Variants in DOCK1 observed in about 807,000 individuals in gnomAD.
The protein encoded by DOCK1 is dedicator of cytokinesis 1, also known as dedicator of cytokinesis protein 1.
Under a neutral mutation model 262.7 loss-of-function variants are expected in DOCK1, and 138 were observed. That is an observed-to-expected ratio of 0.53 (90% CI 0.46 to 0.61). DOCK1 has a LOEUF of 0.61. Among genes scored for constraint, DOCK1 ranks in the 20% least tolerant of loss-of-function variants. DOCK1 has a pLI of 0.00. For synonymous variants in DOCK1, 866 were observed against 867.4 expected, an observed-to-expected ratio of 1.00 and a Z score of 0.03; for missense variants, 1,908 against 2,370.7, an observed-to-expected ratio of 0.80 and a Z score of 4.05.
At chr10:127,164,159 C>CTTTTTTTT (rs528947051) in intron 27 of DOCK1, among the ~76,000 whole-genome samples, 2 of 63,582 alleles carry the variant, frequency 3.1e-5, no homozygotes, top group African/African-American at 6.1e-5. Context: ...CATTTGCCTC[C>CTTTTTTTT]TTTTTTTTTT....
chr10:127,433,243 G>C (rs1325356414), intron 47 of DOCK1, 40 bp from the exon 48 acceptor site: 1 of 1,606,402 alleles, frequency 6.2e-7, no homozygotes, highest in Non-Finnish European at 8.5e-7. Context: ...GCAGGCACAG[G>C]CATCAAACAA....
intron 1 of DOCK1, among the ~76,000 whole-genome samples, chr10:126,941,592 T>TA (rs1476098522): frequency 6.6e-6 from 1 of 152,034 alleles, no homozygotes; most frequent in Non-Finnish European, 1.5e-5. Flanking sequence ...CTGTCTCTAC[T>TA]AAAAGTACAA....
chr10:126,914,465 C>T (rs1050365349), intron 1 of DOCK1, among the ~76,000 whole-genome samples: 9 of 152,052 alleles, frequency 5.9e-5, no homozygotes, highest in Middle Eastern at 3.2e-3. Flanking sequence ...TGCAGTGATG[C>T]GATCATAGCT....
intron 23 of DOCK1, among the ~76,000 whole-genome samples, chr10:127,065,422 C>T (rs1269838079): frequency 1.3e-5 from 2 of 152,172 alleles, no homozygotes; most frequent in Admixed American, 1.3e-4. Flanking sequence ...GTCTCGTGCA[C>T]ATTTTGCCTC....
intron 33 of DOCK1, among the ~76,000 whole-genome samples, chr10:127,368,896 A>G (rs2065065019): frequency 6.6e-6 from 1 of 152,232 alleles, no homozygotes; most frequent in African/African-American, 2.4e-5. Flanking sequence ...AATTGCAGCA[A>G]ATGACCATAT....
At chr10:126,910,857 T>C (rs1180308532) in intron 1 of DOCK1, among the ~76,000 whole-genome samples, 1 of 152,146 alleles carries the variant, frequency 6.6e-6, no homozygotes, top group Non-Finnish European at 1.5e-5. Flanking sequence ...ATTGGCTTTT[T>C]TCACTCAGTA....
At chr10:127,279,390 C>G (rs1480549050) in intron 29 of DOCK1, among the ~76,000 whole-genome samples, 1 of 152,194 alleles carries the variant, frequency 6.6e-6, no homozygotes, top group Non-Finnish European at 1.5e-5. Flanking sequence ...GATTTAGTAT[C>G]TCACACAAGG....
At chr10:127,185,156 A>G (rs987784395) in intron 27 of DOCK1, among the ~76,000 whole-genome samples, 1 of 152,122 alleles carries the variant, frequency 6.6e-6, no homozygotes, top group East Asian at 1.9e-4. Flanking sequence ...CCTTAACACA[A>G]ATATAAGTGT....
At chr10:126,984,043 G>C (rs2039172629) in intron 4 of DOCK1, among the ~76,000 whole-genome samples, 1 of 152,144 alleles carries the variant, frequency 6.6e-6, no homozygotes, top group Admixed American at 6.5e-5. Context: ...CTGACCTACT[G>C]CTCAGGCATG....
chr10:126,935,182 A>G (rs913192813), intron 1 of DOCK1, among the ~76,000 whole-genome samples: 2 of 152,252 alleles, frequency 1.3e-5, no homozygotes, highest in Non-Finnish European at 2.9e-5. Context: ...AGCCTCAATT[A>G]GGATGTTGCT....
At chr10:127,366,301 A>G (rs149584581) in intron 33 of DOCK1, among the ~76,000 whole-genome samples, 11 of 152,212 alleles carry the variant, frequency 7.2e-5, no homozygotes, top group Non-Finnish European at 1.0e-4. Flanking sequence ...GGAAAAGATC[A>G]GTTTTCTTCT....
chr10:127,350,227 T>C (rs116257383), intron 31 of DOCK1, among the ~76,000 whole-genome samples: 2 of 150,644 alleles, frequency 1.3e-5, no homozygotes, highest in African/African-American at 4.9e-5. Context: ...CAGAAAAGTT[T>C]ATGAAACTTA....
chr10:127,293,438 C>T (rs1015620183), intron 29 of DOCK1, among the ~76,000 whole-genome samples: 1 of 152,202 alleles, frequency 6.6e-6, no homozygotes, highest in African/African-American at 2.4e-5. Context: ...CACTGTGGGG[C>T]CAGCACCGGG....
chr10:127,411,309 C>T (rs34475116), intron 43 of DOCK1, among the ~76,000 whole-genome samples: 40,060 of 151,858 alleles, frequency 0.26, 5,978 homozygotes, highest in East Asian at 0.5. Context: ...GGTGACACAG[C>T]AGTCAGCACA....
chr10:127,248,747 C>A (rs1414178804), intron 28 of DOCK1, among the ~76,000 whole-genome samples: 7 of 152,192 alleles, frequency 4.6e-5, no homozygotes, highest in Admixed American at 2.0e-4. Flanking sequence ...TTGACTTGAA[C>A]TCTAAGATTC....
At chr10:127,378,449 G>A (rs1423607136) in intron 35 of DOCK1, among the ~76,000 whole-genome samples, 1 of 152,156 alleles carries the variant, frequency 6.6e-6, no homozygotes, top group East Asian at 1.9e-4. Context: ...GAGCCCAGGA[G>A]GAGTGGGAGC....
chr10:127,415,332 G>A (rs571059267), intron 44 of DOCK1, 94 bp downstream of exon 44: 207 of 1,237,400 alleles, frequency 1.7e-4, no homozygotes, highest in South Asian at 2.8e-4. Context: ...CGTGGTCACT[G>A]TGGCAGCGTG....
intron 31 of DOCK1, among the ~76,000 whole-genome samples, chr10:127,348,206 C>T (rs1459067601): frequency 6.6e-6 from 1 of 151,898 alleles, no homozygotes; most frequent in African/African-American, 2.4e-5. Flanking sequence ...ACTGGCTCAA[C>T]CTTCAGACAT....
intron 23 of DOCK1, among the ~76,000 whole-genome samples, chr10:127,071,656 G>T (rs1350047974): frequency 6.6e-6 from 1 of 152,134 alleles, no homozygotes; most frequent in Non-Finnish European, 1.5e-5. Context: ...ATGGCTGTAT[G>T]CCAGTTCAGA....
Sources: allele counts gnomAD v4.1 joint callset (sites outside exome capture counted in the v4.1 genomes callset), GRCh38; gene constraint gnomAD v4.1.1; transcripts MANE v1.5; gene names NCBI Gene and HGNC (gene_info 2026-07-23, HGNC 2026-07-21).